MEGF11: variants seen among roughly 807,000 people sequenced by gnomAD.
MEGF11 encodes the protein multiple EGF like domains 11, also known as multiple epidermal growth factor-like domains protein 11.
A neutral mutation model predicts 146.6 loss-of-function variants in MEGF11; 126 were observed. The ratio of observed to expected loss-of-function variants is 0.86; its 90% CI spans 0.74 to 1.00. MEGF11 has a LOEUF of 1.00. Among genes scored for constraint, MEGF11 ranks in the 50% least tolerant of loss-of-function variants. MEGF11 has a pLI of 0.00. For missense variants in MEGF11, 1,509 were observed against 1,521.2 expected (o/e 0.99, Z 0.13); for synonymous variants, 532 against 583.4 (o/e 0.91, Z 1.27).
chr15:65,950,454 T>A (rs2080359039), intron 10 of MEGF11, among the ~76,000 whole-genome samples: 2 of 152,040 alleles, frequency 1.3e-5, no homozygotes, highest in Admixed American at 6.6e-5. Context: ...GGCGTGCACC[T>A]GTAGACCCAG....
chr15:65,907,568 T>A (rs188467509), intron 23 of MEGF11, among the ~76,000 whole-genome samples: 282 of 152,334 alleles, frequency 1.9e-3, no homozygotes, highest in African/African-American at 6.4e-3. Flanking sequence ...GTGCTGGGAT[T>A]ACAGACGTGA....
chr15:65,994,139 A>G lies in MEGF11; in HGVS notation c.395-11651T>C, dbSNP rs56680985. 3.6e-3 allele frequency among the ~76,000 whole-genome samples: 550 copies of G among 152,262 alleles called. 4 individuals carry two copies. Among genetic ancestry groups the G allele is most frequent in the African/African-American group, 0.013 (532 of 41,542 alleles). Reference sequence around the variant, plus strand: ...AAGCGGGGAGGGTGTGCAAAAACCTAATTTCTGCCTTTAAACGTCTGTGTT... The same window carrying G: ...AAGCGGGGAGGGTGTGCAAAAACCTGATTTCTGCCTTTAAACGTCTGTGTT... On this transcript the variant is annotated intron_variant, in intron 5 of 25. Transcript: ENST00000395614.
intron 5 of MEGF11, among the ~76,000 whole-genome samples, chr15:65,983,711 G>C (rs1410457944): frequency 2.0e-5 from 3 of 152,178 alleles, no homozygotes; most frequent in Admixed American, 6.5e-5. Context: ...GCAAACTGGA[G>C]TGGCCGGTCA....
intron 4 of MEGF11, among the ~76,000 whole-genome samples, chr15:66,117,623 G>T (rs57645838): frequency 6.6e-6 from 1 of 152,116 alleles, no homozygotes; most frequent in African/African-American, 2.4e-5. Context: ...GCTTGCGCGG[G>T]CCGCTTACAT....
chr15:66,201,035 G>T (rs1168456328), intron 1 of MEGF11, among the ~76,000 whole-genome samples: 5 of 152,076 alleles, frequency 3.3e-5, no homozygotes, highest in African/African-American at 1.2e-4. Flanking sequence ...GTAGGGTGGC[G>T]AGTAGAGTCA....
chr15:66,121,397 T>C (rs971033534), intron 3 of MEGF11, among the ~76,000 whole-genome samples: 5 of 152,214 alleles, frequency 3.3e-5, no homozygotes, highest in Non-Finnish European at 7.3e-5. Flanking sequence ...GGGGATGCAG[T>C]AATAGCTGAG....
intron 1 of MEGF11, among the ~76,000 whole-genome samples, chr15:66,227,981 A>G (rs2091889299): frequency 6.6e-6 from 1 of 152,168 alleles, no homozygotes; most frequent in African/African-American, 2.4e-5. Context: ...GAACCCCCCA[A>G]GCCCAAGAGC....
At chr15:65,968,816 T>C (rs956251080) in intron 8 of MEGF11, among the ~76,000 whole-genome samples, 1 of 152,224 alleles carries the variant, frequency 6.6e-6, no homozygotes, top group Non-Finnish European at 1.5e-5. Flanking sequence ...AAGCCCTCGT[T>C]ACATTTCGTG....
chr15:66,154,048 C>G (rs2089662316), intron 1 of MEGF11, among the ~76,000 whole-genome samples: 1 of 152,230 alleles, frequency 6.6e-6, no homozygotes, highest in Non-Finnish European at 1.5e-5. Flanking sequence ...TGGGCTGCCA[C>G]TAGCCCCTCA....
At chr15:66,053,892 C>G (rs1231430698) in intron 5 of MEGF11, among the ~76,000 whole-genome samples, 1 of 151,786 alleles carries the variant, frequency 6.6e-6, no homozygotes, top group East Asian at 1.9e-4. Flanking sequence ...CCATGCCTGG[C>G]TAATTTTTGT....
At chr15:66,010,215 G>C (rs1431194104) in intron 5 of MEGF11, among the ~76,000 whole-genome samples, 5 of 124,818 alleles carry the variant, frequency 4.0e-5, no homozygotes, top group African/African-American at 1.2e-4. Flanking sequence ...TTTTTTTTGA[G>C]ACAGTCTCAC....
At chr15:66,174,470 C>G (rs536347247) in intron 1 of MEGF11, among the ~76,000 whole-genome samples, 7 of 152,312 alleles carry the variant, frequency 4.6e-5, no homozygotes, top group African/African-American at 1.7e-4. Context: ...CTCAACCCTG[C>G]CGCTTAGCCC....
intron 7 of MEGF11, chr15:65,971,069 C>A: frequency 5.0e-6 from 1 of 198,926 alleles, no homozygotes; most frequent in African/African-American, 2.3e-5. Context: ...AGGAAGGAGG[C>A]TGAGTAAACA....
At position 66,220,866 on chromosome 15, in the gene MEGF11, A is replaced by T. The variant is rs537038636; in HGVS notation, c.-9+32739T>A. Among the ~76,000 whole-genome samples the T allele has an allele frequency of 2.0e-5, 3 of 152,264 alleles. No homozygotes were observed. The South Asian group carries it at 6.2e-4, about 32-fold the overall frequency. ...GAGTCGCCAAGAGTTTTAAATCAGC[A>T]GTTCTGATTGTGGTCGTGGTTACAT... On this transcript the variant is annotated intron_variant, in intron 1 of 25. Coordinates refer to ENST00000395614, the MANE Select transcript of MEGF11 (RefSeq NM_001385028.1).
intron 4 of MEGF11, among the ~76,000 whole-genome samples, chr15:66,104,762 G>A (rs1438940131): frequency 6.6e-6 from 1 of 152,216 alleles, no homozygotes; most frequent in Non-Finnish European, 1.5e-5. Context: ...CCGAGCAGGT[G>A]AATTCCATCT....
At chr15:66,120,141 C>G (rs2087950337) in intron 3 of MEGF11, among the ~76,000 whole-genome samples, 1 of 152,204 alleles carries the variant, frequency 6.6e-6, no homozygotes, top group African/African-American at 2.4e-5. Flanking sequence ...TAGGCTTAAC[C>G]TACTGCCCTC....
intron 7 of MEGF11, among the ~76,000 whole-genome samples, chr15:65,975,066 T>C (rs922843531): frequency 4.6e-5 from 7 of 152,100 alleles, no homozygotes; most frequent in Admixed American, 1.3e-4. Flanking sequence ...AGGCTGGTCT[T>C]GAACTCCTGA....
At chr15:66,000,406 C>T (rs945959586) in intron 5 of MEGF11, among the ~76,000 whole-genome samples, 1 of 152,154 alleles carries the variant, frequency 6.6e-6, no homozygotes, top group Non-Finnish European at 1.5e-5. Flanking sequence ...GTGGTACACA[C>T]CTCTAGTGCC....
In MEGF11 at chr15:65,916,976, C is replaced by T; in HGVS notation, c.2087-20G>A. 6.7e-7 allele frequency: 1 copy of T among 1,488,332 alleles called. No individual in the cohort carries two copies. Among genetic ancestry groups the T allele is most frequent in the Non-Finnish European group, 9.0e-7 (1 of 1,112,872 alleles). 92.2% of individuals were successfully genotyped at this position (1,488,332 alleles called of 1,614,324 possible). A position where few individuals can be genotyped will look rare whatever the true frequency, so the allele number is the denominator to read the frequency against. On this transcript the variant is annotated intron_variant, in intron 16 of 25. Coordinates refer to ENST00000395614, the MANE Select transcript of MEGF11 (RefSeq NM_001385028.1). ...GGCAAGCTGGGATGTCGGTGAAATG[C>T]AGAGGGTGAGGGGAAGGCAGAGAGG... is the stretch of plus-strand genomic sequence containing the variant.
Sources: allele counts gnomAD v4.1 joint callset (sites outside exome capture counted in the v4.1 genomes callset), GRCh38; gene constraint gnomAD v4.1.1; transcripts MANE v1.5; gene names NCBI Gene and HGNC (gene_info 2026-07-23, HGNC 2026-07-21).